The following UNC13B variants were observed in gnomAD, a reference collection of about 807,000 sequenced individuals.
UNC13B encodes unc-13 homolog B, also known as protein unc-13 homolog B.
Under a neutral mutation model 211.0 loss-of-function variants are expected in UNC13B, and 144 were observed. The observed-to-expected ratio is 0.68, with a 90% CI of 0.60 to 0.78. UNC13B has a LOEUF of 0.78. Among genes scored for constraint, UNC13B ranks in the 30% least tolerant of loss-of-function variants. The pLI is 0.00. For missense variants in UNC13B, 1,777 were observed against 2,002.0 expected, an observed-to-expected ratio of 0.89 and a Z score of 2.14; for synonymous variants, 709 against 725.8, an observed-to-expected ratio of 0.98 and a Z score of 0.37.
intron 11 of UNC13B, chr9:35,353,956 A>G (rs984152545): frequency 8.8e-6 from 4 of 455,134 alleles, no homozygotes; most frequent in Non-Finnish European, 1.4e-5. Flanking sequence ...TCAAGTAGAG[A>G]GCTTAAGCTA....
intron 7 of UNC13B, chr9:35,291,168 T>C: frequency 1.4e-6 from 2 of 1,461,240 alleles, no homozygotes; most frequent in Non-Finnish European, 1.9e-6. Flanking sequence ...ATACTCCCTC[T>C]GAACTGTGAA....
chr9:35,299,460 C>T (rs1242534592), intron 8 of UNC13B, among the ~76,000 whole-genome samples: 1 of 152,000 alleles, frequency 6.6e-6, no homozygotes, highest in Non-Finnish European at 1.5e-5. Flanking sequence ...TTCTTGAAAT[C>T]CCTTGATATA....
intron 1 of UNC13B, among the ~76,000 whole-genome samples, chr9:35,183,334 C>A (rs375070427): frequency 4.5e-5 from 5 of 111,046 alleles, no homozygotes; most frequent in South Asian, 3.2e-4. Context: ...CGGGCAGAGG[C>A]GCCCCTCACC....
Position 35,396,957 on chromosome 9 carries a change from T to C in UNC13B, c.11532+20T>C. On this transcript the variant is annotated intron_variant, in intron 28 of 39. Coordinates refer to ENST00000635942, the MANE Select transcript of UNC13B (RefSeq NM_001371189.2). Reference sequence around the variant, plus strand: ...GATGGAGTAAGTCAGGGGCTTTGGCTGCACCGGGTTCAGGCCAGGTCTCCC... The same window carrying C: ...GATGGAGTAAGTCAGGGGCTTTGGCCGCACCGGGTTCAGGCCAGGTCTCCC... The C allele has an allele frequency of 6.2e-7, 1 of 1,613,820 alleles. No individual in the cohort carries two copies. The highest frequency in any genetic ancestry group is 8.5e-7 in the Non-Finnish European group (1 of 1,179,730).
At chr9:35,399,769 A>C (rs756999562) in intron 36 of UNC13B, 40 bp downstream of exon 36, 1 of 1,602,488 alleles carries the variant, frequency 6.2e-7, no homozygotes, top group Admixed American at 1.7e-5. Context: ...TAACCACCAC[A>C]CTCACTTGGC....
At chr9:35,244,823 T>C (rs188561755) in intron 6 of UNC13B, among the ~76,000 whole-genome samples, 7 of 152,326 alleles carry the variant, frequency 4.6e-5, no homozygotes, top group Non-Finnish European at 2.9e-5. Context: ...ACATATCTTT[T>C]AGGACATAGT....
intron 1 of UNC13B, among the ~76,000 whole-genome samples, chr9:35,197,141 A>AGTCTTGAG (rs1822989672): frequency 1.3e-5 from 2 of 152,198 alleles, no homozygotes; most frequent in African/African-American, 4.8e-5. Flanking sequence ...ATTTTTTAAC[A>AGTCTTGAG]GTCTTGAGGA....
In UNC13B at chr9:35,366,936, T is replaced by C. The variant is rs769463813; in HGVS notation, c.9415-11T>C. The stretch of plus-strand genomic sequence containing the variant: ...CCCAGGATCTAACTTGTTTCCTATC[T>C]CTTTTTAAAGATTCCAGATGATGGT... On this transcript the variant is annotated splice_polypyrimidine_tract_variant and intron_variant, in intron 11 of 39. Transcript: ENST00000635942. 3 of 1,613,286 alleles carry C rather than the reference T, an allele frequency of 1.9e-6. No individual in the cohort carries two copies. In the South Asian group the frequency reaches 3.3e-5, roughly 18 times the overall value.
intron 1 of UNC13B, among the ~76,000 whole-genome samples, chr9:35,214,746 CAG>C (rs1824165278): frequency 6.6e-6 from 1 of 152,032 alleles, no homozygotes; most frequent in Non-Finnish European, 1.5e-5. Flanking sequence ...GAAGAAAAGA[CAG>C]ATTATCTACA....
chr9:35,278,016 C>G (rs752953263), intron 7 of UNC13B, among the ~76,000 whole-genome samples: 2 of 151,988 alleles, frequency 1.3e-5, no homozygotes, highest in South Asian at 4.1e-4. Flanking sequence ...AAGAACTAAT[C>G]GAGATGTGTT....
intron 7 of UNC13B, among the ~76,000 whole-genome samples, chr9:35,288,666 G>A (rs749557549): frequency 2.0e-5 from 3 of 152,224 alleles, no homozygotes; most frequent in Non-Finnish European, 4.4e-5. Context: ...GAGCTGGCTT[G>A]TCAGAGAACA....
chr9:35,207,554 C>T (rs1400245759), intron 1 of UNC13B, among the ~76,000 whole-genome samples: 3 of 151,378 alleles, frequency 2.0e-5, no homozygotes, highest in African/African-American at 4.9e-5. Flanking sequence ...AGGCTAGTCA[C>T]GAACTCCTGG....
intron 7 of UNC13B, 65 bp downstream of exon 7, chr9:35,259,115 G>A: frequency 6.5e-7 from 1 of 1,543,460 alleles, no homozygotes; most frequent in Non-Finnish European, 8.9e-7. Flanking sequence ...TCTGAACATG[G>A]GTTATTCTGA....
At chr9:35,199,535 C>G (rs1823155080) in intron 1 of UNC13B, among the ~76,000 whole-genome samples, 1 of 152,176 alleles carries the variant, frequency 6.6e-6, no homozygotes, top group South Asian at 2.1e-4. Flanking sequence ...GATTGCCATT[C>G]TAACTGGTGT....
Position 35,257,513 on chromosome 9 carries a change from G to A in UNC13B, c.469-1480G>A, listed in dbSNP as rs555381721. On this transcript the variant is annotated intron_variant, in intron 6 of 39. Coordinates refer to ENST00000635942, the MANE Select transcript of UNC13B (RefSeq NM_001371189.2). ...CAAGAATTGTTTGAACCCAGGAGGC[G>A]AAGGTTGCAGTGAGCCGAAATAGCT... Among the ~76,000 whole-genome samples, 14 of 132,714 alleles carry A rather than the reference G, an allele frequency of 1.1e-4. No individual in the cohort carries two copies. In the South Asian group the frequency reaches 1.4e-3, roughly 13 times the overall value. 87.1% of individuals were successfully genotyped at this position (132,714 alleles called of 152,430 possible). A position where few individuals can be genotyped will look rare whatever the true frequency, so the allele number is the denominator to read the frequency against.
At chr9:35,194,095 G>A (rs902274934) in intron 1 of UNC13B, among the ~76,000 whole-genome samples, 1 of 152,154 alleles carries the variant, frequency 6.6e-6, no homozygotes, top group Non-Finnish European at 1.5e-5. Context: ...GGCAGGGAGA[G>A]ACCTGCAAAT....
rs764491188 is a variant in UNC13B, at chr9:35,366,897, A to G, written c.9415-50A>G. On this transcript the variant is annotated intron_variant, in intron 11 of 39. Transcript: ENST00000635942. ...ACTGCTCGCTGCTCAGATTACAGGC[A>G]ATCTCCCATCTTTCCCAGGATCTAA... 10 of 1,514,898 alleles carry G rather than the reference A, an allele frequency of 6.6e-6. No individual in the cohort carries two copies. In the East Asian group the frequency reaches 2.3e-4, roughly 34 times the overall value. 93.8% of individuals were successfully genotyped at this position (1,514,898 alleles called of 1,614,324 possible).
intron 11 of UNC13B, among the ~76,000 whole-genome samples, chr9:35,340,475 C>T (rs75462451): frequency 3.9e-5 from 6 of 152,114 alleles, no homozygotes; most frequent in Non-Finnish European, 5.9e-5. Flanking sequence ...TTTTATCTAC[C>T]ATAAAGGGCT....
At chr9:35,268,295 C>T (rs1210195682) in intron 7 of UNC13B, among the ~76,000 whole-genome samples, 3 of 152,176 alleles carry the variant, frequency 2.0e-5, no homozygotes, top group African/African-American at 7.2e-5. Context: ...TTCTACAAGA[C>T]AGCTGACAAG....
Sources: allele counts gnomAD v4.1 joint callset (sites outside exome capture counted in the v4.1 genomes callset), GRCh38; gene constraint gnomAD v4.1.1; transcripts MANE v1.5; gene names NCBI Gene and HGNC (gene_info 2026-07-23, HGNC 2026-07-21).